PDE4B: variants seen among roughly 807,000 people sequenced by gnomAD.
PDE4B encodes 3',5'-cyclic-AMP phosphodiesterase 4B.
PDE4B carries 20 observed loss-of-function variants against 82.2 expected under a neutral mutation model. The ratio of observed to expected loss-of-function variants is 0.24; its 90% confidence interval spans 0.17 to 0.35. The LOEUF (loss-of-function observed/expected upper bound fraction) is 0.35. PDE4B is among the 10% of genes least tolerant of loss of function. PDE4B has a pLI of 1.00. For synonymous variants in PDE4B, 320 were observed against 318.9 expected (o/e 1.00, Z -0.04); for missense variants, 655 against 907.2 (o/e 0.72, Z 3.57).
chr1:66,068,461 C>G (rs758319289), intron 3 of PDE4B, among the ~76,000 whole-genome samples: 5 of 151,688 alleles, frequency 3.3e-5, no homozygotes, highest in African/African-American at 1.2e-4. Flanking sequence ...TGCAGTGAAC[C>G]CCTACCCATT....
chr1:66,189,452 T>C lies in PDE4B; in HGVS notation c.282-58008T>C, dbSNP rs189843263. 3.7e-3 allele frequency among the ~76,000 whole-genome samples: 565 copies of C among 152,312 alleles called. 1 individual carries two copies. The highest frequency in any genetic ancestry group is 0.013 in the African/African-American group (536 of 41,580). On this transcript the variant is annotated intron_variant, in intron 3 of 16. Transcript: ENST00000341517. ...TTTTCCAACTTGGTTCCATTCTCCCTGTCACTTTCAGGTACACCAATCAGA... is the reference window on the plus strand; with the variant it reads ...TTTTCCAACTTGGTTCCATTCTCCCCGTCACTTTCAGGTACACCAATCAGA...
At chr1:66,338,599 ACTAT>A (rs762621980) in intron 8 of PDE4B, among the ~76,000 whole-genome samples, 34 of 152,348 alleles carry the variant, frequency 2.2e-4, no homozygotes, top group Admixed American at 3.9e-4. Flanking sequence ...TGCTCACTTC[ACTAT>A]CTGTTTCTTA....
chr1:66,114,150 G>T (rs1163016407), intron 3 of PDE4B, among the ~76,000 whole-genome samples: 2 of 152,104 alleles, frequency 1.3e-5, no homozygotes, highest in Non-Finnish European at 2.9e-5. Context: ...ACGATGTGAG[G>T]ACACAACAAG....
chr1:66,296,956 G>A (rs1376526012), intron 7 of PDE4B, among the ~76,000 whole-genome samples: 1 of 152,174 alleles, frequency 6.6e-6, no homozygotes, highest in Non-Finnish European at 1.5e-5. Context: ...GTTGCCTTTC[G>A]AAAGAAGTTG....
chr1:66,059,811 A>G (rs1655490662), intron 3 of PDE4B, among the ~76,000 whole-genome samples: 1 of 152,110 alleles, frequency 6.6e-6, no homozygotes, highest in South Asian at 2.1e-4. Flanking sequence ...GTATCTTAAT[A>G]TTTTCTCATA....
intron 6 of PDE4B, among the ~76,000 whole-genome samples, chr1:66,258,370 G>A (rs1316780038): frequency 6.6e-6 from 1 of 152,122 alleles, no homozygotes; most frequent in African/African-American, 2.4e-5. Context: ...TATGATCTTG[G>A]CATTTAAATT....
chr1:65,972,927 A>G (rs908113348), intron 3 of PDE4B, among the ~76,000 whole-genome samples: 1 of 152,214 alleles, frequency 6.6e-6, no homozygotes, highest in Non-Finnish European at 1.5e-5. Flanking sequence ...GTTGCTAAAG[A>G]AAATTCTAGA....
intron 3 of PDE4B, among the ~76,000 whole-genome samples, chr1:66,102,123 G>T (rs1378994613): frequency 6.6e-6 from 1 of 152,044 alleles, no homozygotes; most frequent in African/African-American, 2.4e-5. Context: ...TGTCATGTTT[G>T]CCAAAGACCA....
intron 3 of PDE4B, among the ~76,000 whole-genome samples, chr1:66,137,610 G>T (rs1449790250): frequency 6.6e-6 from 1 of 152,144 alleles, no homozygotes; most frequent in African/African-American, 2.4e-5. Context: ...CTTGCTTGAG[G>T]CTACCCTAGT....
At chr1:66,273,855 A>G (rs1655681736) in intron 7 of PDE4B, among the ~76,000 whole-genome samples, 2 of 152,388 alleles carry the variant, frequency 1.3e-5, no homozygotes, top group African/African-American at 2.4e-5. Flanking sequence ...AATATCTGCT[A>G]GCTCTCAGGA....
At chr1:66,015,748 T>A (rs1042128618) in intron 3 of PDE4B, among the ~76,000 whole-genome samples, 1 of 152,166 alleles carries the variant, frequency 6.6e-6, no homozygotes, top group Non-Finnish European at 1.5e-5. Flanking sequence ...ATATTTCTTT[T>A]TCCAGAGGAA....
chr1:66,218,840 G>A (rs1236921310), intron 3 of PDE4B, among the ~76,000 whole-genome samples: 1 of 152,106 alleles, frequency 6.6e-6, no homozygotes, highest in Non-Finnish European at 1.5e-5. Context: ...TTGGTTGGAT[G>A]GTTGCATCCA....
intron 3 of PDE4B, among the ~76,000 whole-genome samples, chr1:66,079,362 G>A (rs1348681023): frequency 6.6e-6 from 1 of 152,154 alleles, no homozygotes; most frequent in East Asian, 1.9e-4. Context: ...GTGACTTGAG[G>A]GAGCTTGAGG....
At chr1:66,313,732 C>T (rs949640106) in intron 7 of PDE4B, among the ~76,000 whole-genome samples, 3 of 152,148 alleles carry the variant, frequency 2.0e-5, no homozygotes, top group Admixed American at 6.5e-5. Flanking sequence ...TGGAAGAGAA[C>T]AAGGAGTTGC....
chr1:66,094,981 T>C (rs893857624), intron 3 of PDE4B, among the ~76,000 whole-genome samples: 10 of 151,860 alleles, frequency 6.6e-5, no homozygotes, highest in African/African-American at 2.4e-4. Flanking sequence ...TACTAGACAG[T>C]TGGAAGAAAC....
chr1:65,874,667 A>T (rs1292167173), intron 1 of PDE4B, among the ~76,000 whole-genome samples: 1 of 151,910 alleles, frequency 6.6e-6, no homozygotes, highest in Admixed American at 6.6e-5. Flanking sequence ...CTGATCTTTG[A>T]CAAACCTGAG....
chr1:66,078,857 C>T (rs1656570242), intron 3 of PDE4B, among the ~76,000 whole-genome samples: 1 of 152,096 alleles, frequency 6.6e-6, no homozygotes, highest in African/African-American at 2.4e-5. Flanking sequence ...TCACCTTCAT[C>T]AAAGAACACT....
intron 7 of PDE4B, among the ~76,000 whole-genome samples, chr1:66,311,259 C>G (rs1260460834): frequency 2.0e-5 from 3 of 152,224 alleles, no homozygotes; most frequent in Non-Finnish European, 4.4e-5. Flanking sequence ...GAAACACATT[C>G]TCTTTATCAG....
chr1:66,167,678 A>G (rs1299000073), intron 3 of PDE4B, among the ~76,000 whole-genome samples: 3 of 152,208 alleles, frequency 2.0e-5, no homozygotes, highest in African/African-American at 7.2e-5. Flanking sequence ...TGATATTTCT[A>G]TGGAAGTGAA....
Sources: gnomAD v4.1 joint callset for allele counts (sites outside exome capture counted in the v4.1 genomes callset) on GRCh38, gnomAD v4.1.1 for gene constraint, MANE v1.5 for transcripts, NCBI Gene and HGNC (gene_info 2026-07-23, HGNC 2026-07-21) for gene names.